NCKAP5: variants seen among roughly 807,000 people sequenced by gnomAD.
The protein encoded by NCKAP5 is NCK associated protein 5.
In NCKAP5, 92 loss-of-function variants were observed where a neutral mutation model predicts 167.0. The ratio of observed to expected loss-of-function variants is 0.55; its 90% CI spans 0.47 to 0.66. The LOEUF is 0.66. Ranked by LOEUF, NCKAP5 falls within the 30% of genes least tolerant of loss-of-function variation. The pLI, the probability that NCKAP5 is intolerant of heterozygous loss-of-function variation, is 0.00. For synonymous variants in NCKAP5, 891 were observed against 877.4 expected (o/e 1.02, Z -0.27); for missense variants, 2,378 against 2,315.0 (o/e 1.03, Z -0.56).
chr2:132,836,032 T>C (rs546773283), intron 11 of NCKAP5, among the ~76,000 whole-genome samples: 18 of 152,196 alleles, frequency 1.2e-4, no homozygotes, highest in Admixed American at 3.9e-4. Context: ...GGTATAGAAA[T>C]ATTGTGAAAC....
intron 8 of NCKAP5, among the ~76,000 whole-genome samples, chr2:132,960,519 C>A (rs963836497): frequency 1.3e-5 from 2 of 152,102 alleles, no homozygotes; most frequent in Non-Finnish European, 2.9e-5. Flanking sequence ...CATATCCTTC[C>A]TAGGGTTGGA....
the NCKAP5 span, among the ~76,000 whole-genome samples, chr2:133,583,384 G>A: frequency 6.6e-6 from 1 of 152,246 alleles, no homozygotes; most frequent in African/African-American, 2.4e-5. Flanking sequence ...CCTTGCTCCT[G>A]CTATGGGATA....
At chr2:132,812,591 T>C (rs1480073782) in intron 11 of NCKAP5, among the ~76,000 whole-genome samples, 2 of 152,124 alleles carry the variant, frequency 1.3e-5, no homozygotes, top group African/African-American at 4.8e-5. Context: ...CATAGTATGC[T>C]GTGGGAACTC....
chr2:133,404,481 G>A (rs1435565), intron 3 of NCKAP5, among the ~76,000 whole-genome samples: 37,403 of 151,888 alleles, frequency 0.25, 5,161 homozygotes, highest in African/African-American at 0.38. Flanking sequence ...AAAGATTAAC[G>A]ATAACTAATA....
chr2:133,252,449 CCAA>C (rs975675438), intron 4 of NCKAP5, among the ~76,000 whole-genome samples: 1 of 152,142 alleles, frequency 6.6e-6, no homozygotes, highest in Non-Finnish European at 1.5e-5. Flanking sequence ...GCACAAGCTC[CCAA>C]CAACATCACA....
intron 15 of NCKAP5, 87 bp downstream of exon 15, chr2:132,780,965 A>C: frequency 1.5e-6 from 2 of 1,356,572 alleles, no homozygotes; most frequent in South Asian, 1.5e-5. Context: ...TCTCTTACCC[A>C]TACATTTTCA....
chr2:133,100,615 A>C (rs796408167), intron 6 of NCKAP5, among the ~76,000 whole-genome samples: 13 of 152,302 alleles, frequency 8.5e-5, no homozygotes, highest in African/African-American at 2.9e-4. Context: ...CAGCGTAAGA[A>C]ATCCTTTTTG....
chr2:132,790,191 A>G lies in NCKAP5; in HGVS notation c.924T>C (p.Asn308=). The part of the protein sequence containing the change: ...TDAEVHEHQL[N]TKSALKCPGL... ...CAGGGCATTTCAAGGCCGATTTTGT[A>G]TTTAGTTGGTGTTCCTGAAAAAGCA... Residue 308 remains asparagine, a synonymous_variant, in exon 13 of 20, where the codon AAT becomes AAC. Transcript: ENST00000409261. 2 of 1,612,608 alleles carry G rather than the reference A, an allele frequency of 1.2e-6. No individual in the cohort carries two copies. The highest frequency in any genetic ancestry group is 1.7e-5 in the Admixed American group (1 of 59,840).
intron 19 of NCKAP5, among the ~76,000 whole-genome samples, chr2:132,716,373 G>GT (rs994835469): frequency 2.0e-5 from 3 of 152,090 alleles, no homozygotes; most frequent in African/African-American, 7.2e-5. Context: ...CTGATTTGGT[G>GT]TTTATTTATT....
In NCKAP5 at chr2:132,725,341, G is replaced by A. The variant is rs143991889; in HGVS notation, c.5713+286C>T. On this transcript the variant is annotated intron_variant, in intron 19 of 19. Transcript: ENST00000409261. ...ATAATTAAGAACAGTTATCTTTATAGTCATTCCTTCATTATTGAGATAACT... is the reference window on the plus strand; with the variant it reads ...ATAATTAAGAACAGTTATCTTTATAATCATTCCTTCATTATTGAGATAACT... Among the ~76,000 whole-genome samples, 1,148 of 152,270 alleles carry A rather than the reference G, an allele frequency of 7.5e-3. 7 individuals carry two copies. The highest frequency in any genetic ancestry group is 0.02 in the Middle Eastern group (6 of 294).
intron 16 of NCKAP5, among the ~76,000 whole-genome samples, chr2:132,743,235 T>C (rs1308026906): frequency 2.6e-5 from 4 of 151,738 alleles, no homozygotes; most frequent in African/African-American, 7.2e-5. Context: ...AATACAAACA[T>C]AGCCTGGAGG....
chr2:133,169,822 T>C (rs895099867), intron 5 of NCKAP5, among the ~76,000 whole-genome samples: 5 of 152,176 alleles, frequency 3.3e-5, no homozygotes, highest in African/African-American at 1.2e-4. Flanking sequence ...CCTGGCAGTT[T>C]TGAGGTGATA....
At chr2:133,421,492 GA>G (rs1398666240) in intron 3 of NCKAP5, among the ~76,000 whole-genome samples, 1 of 152,184 alleles carries the variant, frequency 6.6e-6, no homozygotes, top group African/African-American at 2.4e-5. Flanking sequence ...AAGGTGAGGA[GA>G]AGGGAGAGAG....
At chr2:133,023,256 A>G (rs1363590292) in intron 6 of NCKAP5, among the ~76,000 whole-genome samples, 2 of 152,178 alleles carry the variant, frequency 1.3e-5, no homozygotes, top group African/African-American at 4.8e-5. Flanking sequence ...TCTCCATTCA[A>G]ACTTTTAAGT....
chr2:132,743,215 A>G (rs911232615), intron 16 of NCKAP5, among the ~76,000 whole-genome samples: 2 of 151,990 alleles, frequency 1.3e-5, no homozygotes, highest in East Asian at 3.9e-4. Context: ...CTAGACTGAA[A>G]CATAGATGGA....
At chr2:133,071,798 G>T (rs1462135535) in intron 6 of NCKAP5, among the ~76,000 whole-genome samples, 1 of 152,174 alleles carries the variant, frequency 6.6e-6, no homozygotes, top group Admixed American at 6.5e-5. Context: ...GGAAGGCAGA[G>T]AATTAACATT....
At chr2:133,116,071 C>T (rs982860420) in intron 6 of NCKAP5, among the ~76,000 whole-genome samples, 3 of 151,650 alleles carry the variant, frequency 2.0e-5, no homozygotes, top group Non-Finnish European at 4.4e-5. Context: ...GTTAAGGGTT[C>T]ATTAATCAAG....
intron 8 of NCKAP5, among the ~76,000 whole-genome samples, chr2:132,905,469 C>T (rs79413914): frequency 0.027 from 4,123 of 152,228 alleles, 163 homozygotes; most frequent in African/African-American, 0.092. Flanking sequence ...AGAACCATTT[C>T]AAATTCTTCC....
intron 16 of NCKAP5, among the ~76,000 whole-genome samples, chr2:132,736,747 AC>A (rs1194958571): frequency 4.6e-5 from 7 of 152,170 alleles, no homozygotes. Context: ...AGATCGCACC[AC>A]TGCACTCCAG....
Sources: allele counts gnomAD v4.1 joint callset (sites outside exome capture counted in the v4.1 genomes callset), GRCh38; gene constraint gnomAD v4.1.1; transcripts MANE v1.5; gene names NCBI Gene and HGNC (gene_info 2026-07-23, HGNC 2026-07-21).